JKAMP: variants seen among roughly 807,000 people sequenced by gnomAD.
JKAMP encodes the protein JNK1/MAPK8 associated membrane protein, also known as JNK1/MAPK8-associated membrane protein.
A neutral mutation model predicts 40.2 loss-of-function variants in JKAMP; 20 were observed. The ratio of observed to expected loss-of-function variants is 0.50; its 90% confidence interval spans 0.35 to 0.72. JKAMP has a LOEUF of 0.72. JKAMP is among the 30% of genes least tolerant of loss of function. JKAMP has a pLI of 0.01. For missense variants in JKAMP, 276 were observed against 373.0 expected (o/e 0.74, Z 2.14); for synonymous variants, 138 against 131.6 (o/e 1.05, Z -0.33).
chr14:59,487,960 T>A, intron 3 of JKAMP, 132 bp downstream of exon 3: 1 of 857,444 alleles, frequency 1.2e-6, no homozygotes, highest in East Asian at 2.4e-5. Context: ...CTTCAGATTA[T>A]TCTTAACTGT....
chr14:59,491,738 C>T (rs754166511), intron 3 of JKAMP, among the ~76,000 whole-genome samples: 13 of 152,210 alleles, frequency 8.5e-5, no homozygotes, highest in Non-Finnish European at 1.3e-4. Context: ...TCTTTCAAAA[C>T]ACAAACCAGC....
intron 3 of JKAMP, among the ~76,000 whole-genome samples, chr14:59,489,129 T>C (rs56115342): frequency 0.075 from 11,362 of 152,306 alleles, 615 homozygotes; most frequent in African/African-American, 0.15. Context: ...AAAATGCTTT[T>C]CTTCTCTACC....
At chr14:59,499,855 C>G (rs967387771) in intron 5 of JKAMP, among the ~76,000 whole-genome samples, 2 of 152,178 alleles carry the variant, frequency 1.3e-5, no homozygotes, top group Non-Finnish European at 2.9e-5. Context: ...CTATAGTTCC[C>G]TCTAGCTCCT....
At chr14:59,494,704 C>G (rs1259531582) in intron 3 of JKAMP, among the ~76,000 whole-genome samples, 1 of 152,032 alleles carries the variant, frequency 6.6e-6, no homozygotes, top group African/African-American at 2.4e-5. Context: ...TACTTTCTAA[C>G]AAACACGTTA....
At chr14:59,488,178 TATG>T (rs1190614135) in intron 3 of JKAMP, among the ~76,000 whole-genome samples, 1 of 151,964 alleles carries the variant, frequency 6.6e-6, no homozygotes, top group African/African-American at 2.4e-5. Flanking sequence ...AATAATCTAG[TATG>T]ATGTAGTTAA....
In JKAMP at chr14:59,504,140, G is replaced by A; in HGVS notation, c.*68G>A. The A allele has an allele frequency of 1.1e-6, 1 of 887,512 alleles. No homozygotes were observed. The highest frequency in any genetic ancestry group is 1.8e-6 in the Non-Finnish European group (1 of 547,412). 55.0% of individuals were successfully genotyped at this position (887,512 alleles called of 1,614,324 possible). On this transcript the variant is annotated 3_prime_UTR_variant, in exon 7 of 7. Transcript: ENST00000616435. Reference sequence around the variant, plus strand: ...ATAAAAAAGTAAATCAATCTTAACAGTGTATGAGAACTATTCTATCATATA... The same window carrying A: ...ATAAAAAAGTAAATCAATCTTAACAATGTATGAGAACTATTCTATCATATA...
chr14:59,488,807 A>C (rs1229596692), intron 3 of JKAMP, among the ~76,000 whole-genome samples: 1 of 152,218 alleles, frequency 6.6e-6, no homozygotes, highest in Non-Finnish European at 1.5e-5. Flanking sequence ...TCTGACTGCA[A>C]CTTGTTACCT....
At chr14:59,492,588 A>G (rs1284522988) in intron 3 of JKAMP, among the ~76,000 whole-genome samples, 1 of 152,204 alleles carries the variant, frequency 6.6e-6, no homozygotes, top group Non-Finnish European at 1.5e-5. Flanking sequence ...TCGAGATATA[A>G]TTTACCAGGC....
rs1890627442 is a variant in JKAMP at position 59,486,940 on chromosome 14, C to T, written c.96+136C>T. The T allele has an allele frequency of 3.0e-5, 20 of 658,984 alleles. No individual in the cohort carries two copies. The South Asian group carries it at 3.9e-4, about 13-fold the overall frequency. The allele number at this position is 658,984 out of a possible 1,614,324, so 40.8% of individuals were successfully genotyped here. On this transcript the variant is annotated intron_variant, in intron 2 of 6. Coordinates refer to ENST00000616435, the MANE Select transcript of JKAMP (RefSeq NM_016475.5). ...GGAGGACCAGGCGCAGTGGCTCATG[C>T]CTGTAATCCCAGCACTTTGGGAAGC...
At chr14:59,484,995 T>C in intron 1 of JKAMP, 1 of 1,582,502 alleles carries the variant, frequency 6.3e-7, no homozygotes, top group Middle Eastern at 1.7e-4. Context: ...CGTAGATTTA[T>C]AGCGCCCGTC....
rs189896214 is a variant in JKAMP, at chr14:59,491,121, G to T, written c.251+3293G>T. Among the ~76,000 whole-genome samples, 25 of 152,350 alleles carry T rather than the reference G, an allele frequency of 1.6e-4. No homozygotes were observed. The East Asian group carries it at 4.6e-3, about 28-fold the overall frequency. On this transcript the variant is annotated intron_variant, in intron 3 of 6. Transcript: ENST00000616435. ...CAGTCCAGATAGATGGGGGCTGGAG[G>T]TGTCTTAACAAATGTTCATAAAAAC...
chr14:59,501,790 A>G (rs1891901889), intron 6 of JKAMP, among the ~76,000 whole-genome samples: 1 of 152,162 alleles, frequency 6.6e-6, no homozygotes, highest in Admixed American at 6.5e-5. Flanking sequence ...TTATTCTGAT[A>G]CTGTTACTTT....
At position 59,503,837 on chromosome 14, in the gene JKAMP, T is replaced by C; in HGVS notation, c.718-17T>C. 6.5e-7 allele frequency: 1 copy of C among 1,549,756 alleles called. No homozygotes were observed. The highest frequency in any genetic ancestry group is 1.7e-5 in the Admixed American group (1 of 58,270). Reference sequence around the variant, plus strand: ...TAATCTGTATTTCTCTTTTCTTTCTTTTACAAAATTATATAGAACTGCTAT... The same window carrying C: ...TAATCTGTATTTCTCTTTTCTTTCTCTTACAAAATTATATAGAACTGCTAT... On this transcript the variant is annotated splice_polypyrimidine_tract_variant and intron_variant, in intron 6 of 6. Coordinates refer to ENST00000616435, the MANE Select transcript of JKAMP (RefSeq NM_016475.5).
intron 3 of JKAMP, among the ~76,000 whole-genome samples, chr14:59,490,600 T>C: frequency 6.6e-6 from 1 of 152,196 alleles, no homozygotes; most frequent in Non-Finnish European, 1.5e-5. Context: ...GATGGTCAGA[T>C]AGAAATAGAA....
chr14:59,486,550 G>A (rs920483878), intron 1 of JKAMP, 163 bp from the exon 2 acceptor site: 4 of 613,340 alleles, frequency 6.5e-6, no homozygotes, highest in African/African-American at 5.6e-5. Context: ...GTGTCACAGT[G>A]TAAAAGGAGA....
chr14:59,494,034 ACCTT>A (rs923561212), intron 3 of JKAMP, among the ~76,000 whole-genome samples: 2 of 152,178 alleles, frequency 1.3e-5, no homozygotes, highest in African/African-American at 4.8e-5. Context: ...GTTAGATCCT[ACCTT>A]ACGTTAGGCA....
At chr14:59,487,049 A>G (rs1566573249) in intron 2 of JKAMP, 1 of 320,598 alleles carries the variant, frequency 3.1e-6, no homozygotes, top group Non-Finnish European at 5.8e-6. Context: ...AAAAATAGAA[A>G]AAAATTAGCT....
chr14:59,484,816 C>T, intron 1 of JKAMP: 1 of 936,206 alleles, frequency 1.1e-6, no homozygotes, highest in Non-Finnish European at 1.6e-6. Flanking sequence ...GGCGAAATGC[C>T]AGGTCTTTGT....
chr14:59,498,793 G>T lies in JKAMP; in HGVS notation c.525G>T (p.Leu175=). Residue 175 remains leucine, a synonymous_variant, in exon 5 of 7, where the codon CTG becomes CTT. Transcript: ENST00000616435. ...LVLMMLLRPL[L]VKKIACGLGK... ...TAATGATGCTGCTCCGACCTCTTCT[G>T]GTGAAGAAGATTGCATGTGGGTTAG... The T allele has an allele frequency of 6.2e-7, 1 of 1,603,940 alleles. No individual in the cohort carries two copies. Among genetic ancestry groups the T allele is most frequent in the East Asian group, 2.2e-5 (1 of 44,784 alleles).
Sources: gnomAD v4.1 joint callset for allele counts (sites outside exome capture counted in the v4.1 genomes callset) on GRCh38, gnomAD v4.1.1 for gene constraint, MANE v1.5 for transcripts, NCBI Gene and HGNC (gene_info 2026-07-23, HGNC 2026-07-21) for gene names.